ADAMTS19: variants seen among roughly 807,000 people sequenced by gnomAD.
ADAMTS19 encodes A disintegrin and metalloproteinase with thrombospondin motifs 19.
A neutral mutation model predicts 153.3 loss-of-function variants in ADAMTS19; 93 were observed. The ratio of observed to expected loss-of-function variants is 0.61; its 90% confidence interval spans 0.51 to 0.72. The LOEUF is 0.72. ADAMTS19 is among the 30% of genes least tolerant of loss of function. The pLI is 0.00. For synonymous variants in ADAMTS19, 600 were observed against 556.6 expected, an observed-to-expected ratio of 1.08 and a Z score of -1.10; for missense variants, 1,482 against 1,552.1, an observed-to-expected ratio of 0.95 and a Z score of 0.76.
intron 16 of ADAMTS19, among the ~76,000 whole-genome samples, chr5:129,671,334 G>T (rs1192881668): frequency 1.3e-5 from 2 of 152,144 alleles, no homozygotes; most frequent in Admixed American, 6.5e-5. Context: ...TAGGTTTCTG[G>T]TAAGTAATAG....
intron 7 of ADAMTS19, among the ~76,000 whole-genome samples, chr5:129,595,624 T>G (rs1263562080): frequency 6.6e-6 from 1 of 152,034 alleles, no homozygotes; most frequent in Non-Finnish European, 1.5e-5. Context: ...TCCATCATGT[T>G]TAGTAATTAT....
intron 2 of ADAMTS19, among the ~76,000 whole-genome samples, chr5:129,472,095 G>C (rs998856561): frequency 6.6e-6 from 1 of 152,088 alleles, no homozygotes; most frequent in Admixed American, 6.5e-5. Context: ...GGTTGAATGG[G>C]GTATTTCTGT....
chr5:129,702,501 C>A (rs1442403956), intron 20 of ADAMTS19, among the ~76,000 whole-genome samples: 1 of 152,082 alleles, frequency 6.6e-6, no homozygotes, highest in African/African-American at 2.4e-5. Flanking sequence ...GATAACATAG[C>A]TTAGATAATA....
chr5:129,608,114 G>GTATATATATATATA (rs1235116462), intron 8 of ADAMTS19, among the ~76,000 whole-genome samples: 69 of 28,720 alleles, frequency 2.4e-3, no homozygotes, highest in East Asian at 4.0e-3. Context: ...GTGTGTGTGT[G>GTATATATATATATA]TGTATATATA....
chr5:129,559,299 G>T (rs145969890), intron 7 of ADAMTS19, among the ~76,000 whole-genome samples: 23 of 151,928 alleles, frequency 1.5e-4, no homozygotes, highest in Middle Eastern at 3.4e-3. Flanking sequence ...TTCTAAATCA[G>T]TAAGTAAGAA....
chr5:129,668,305 T>G (rs1399972283), intron 16 of ADAMTS19, among the ~76,000 whole-genome samples: 1 of 152,214 alleles, frequency 6.6e-6, no homozygotes, highest in Non-Finnish European at 1.5e-5. Flanking sequence ...TGTAATTTTT[T>G]AATGTGCCAC....
chr5:129,596,600 T>C lies in ADAMTS19; in HGVS notation c.1414T>C (p.Cys472Arg). Residue 472 changes from cysteine (C) to arginine (R), a missense_variant, in exon 8 of 23, where the codon TGT becomes CGT. Coordinates refer to ENST00000274487, the MANE Select transcript of ADAMTS19 (RefSeq NM_133638.6). ...TGGAATGTGTAGTGAAAAGAGAAAATGTATTATTGCTGAAGACAATGGCTT... is the reference window on the plus strand; with the variant it reads ...TGGAATGTGTAGTGAAAAGAGAAAACGTATTATTGCTGAAGACAATGGCTT... ...LSGMCSEKRK[C>R]IIAEDNGLNL... The C allele has an allele frequency of 1.2e-6, 2 of 1,608,350 alleles. No individual in the cohort carries two copies. Among genetic ancestry groups the C allele is most frequent in the Non-Finnish European group, 1.7e-6 (2 of 1,177,532 alleles).
At chr5:129,673,995 C>A (rs113447561) in intron 16 of ADAMTS19, among the ~76,000 whole-genome samples, 3,582 of 152,198 alleles carry the variant, frequency 0.024, 125 homozygotes, top group African/African-American at 0.072. Context: ...CTTTGGGAGG[C>A]TGAGGTGGGC....
At chr5:129,509,816 C>T (rs1253662219) in intron 3 of ADAMTS19, among the ~76,000 whole-genome samples, 2 of 151,832 alleles carry the variant, frequency 1.3e-5, no homozygotes, top group Non-Finnish European at 2.9e-5. Flanking sequence ...CCATCAAATC[C>T]TTGGCTCTTT....
chr5:129,623,837 T>C (rs979743458), intron 10 of ADAMTS19, among the ~76,000 whole-genome samples: 6 of 149,354 alleles, frequency 4.0e-5, no homozygotes, highest in African/African-American at 1.5e-4. Context: ...AAAGGCTGTA[T>C]GGACCAGGCG....
At chr5:129,567,473 T>G (rs1410808901) in intron 7 of ADAMTS19, among the ~76,000 whole-genome samples, 1 of 152,024 alleles carries the variant, frequency 6.6e-6, no homozygotes, top group African/African-American at 2.4e-5. Flanking sequence ...ATATTTCAAA[T>G]GAATGGAAGG....
intron 21 of ADAMTS19, among the ~76,000 whole-genome samples, chr5:129,734,141 C>T (rs891124288): frequency 1.3e-5 from 2 of 151,644 alleles, no homozygotes; most frequent in Non-Finnish European, 2.9e-5. Flanking sequence ...AATGGGCCCA[C>T]GTGGACATAG....
At chr5:129,528,280 G>T (rs566335740) in intron 5 of ADAMTS19, among the ~76,000 whole-genome samples, 35 of 152,032 alleles carry the variant, frequency 2.3e-4, no homozygotes, top group African/African-American at 8.2e-4. Context: ...ATTCTTAATT[G>T]AACCTCTTTG....
At chr5:129,539,061 A>G (rs1259721516) in intron 6 of ADAMTS19, among the ~76,000 whole-genome samples, 1 of 152,056 alleles carries the variant, frequency 6.6e-6, no homozygotes, top group African/African-American at 2.4e-5. Context: ...TTTTCACTTT[A>G]CGATTATGTC....
chr5:129,550,762 A>C (rs528250770), intron 6 of ADAMTS19, among the ~76,000 whole-genome samples: 78 of 151,636 alleles, frequency 5.1e-4, no homozygotes, highest in African/African-American at 1.9e-3. Context: ...ACAGAGAGGA[A>C]ATTTTTTTAA....
chr5:129,599,976 G>C (rs2126927399), intron 8 of ADAMTS19, among the ~76,000 whole-genome samples: 1 of 152,114 alleles, frequency 6.6e-6, no homozygotes, highest in East Asian at 1.9e-4. Flanking sequence ...GACAGTGAGA[G>C]ACAATAGCAG....
At chr5:129,638,465 TGATTA>T (rs1259547814) in intron 10 of ADAMTS19, among the ~76,000 whole-genome samples, 1 of 152,026 alleles carries the variant, frequency 6.6e-6, no homozygotes, top group Non-Finnish European at 1.5e-5. Flanking sequence ...TCTTTTTGCT[TGATTA>T]ATTTTCAATT....
chr5:129,477,558 C>T (rs1482100823), intron 2 of ADAMTS19, among the ~76,000 whole-genome samples: 2 of 152,174 alleles, frequency 1.3e-5, no homozygotes, highest in African/African-American at 2.4e-5. Flanking sequence ...ATTTGAAATG[C>T]TTTGGAGTAA....
chr5:129,707,687 A>C lies in ADAMTS19; in HGVS notation c.3312+3296A>C, dbSNP rs1176801741. Among the ~76,000 whole-genome samples the C allele has an allele frequency of 3.3e-5, 5 of 152,232 alleles. No homozygotes were observed. In the South Asian group the frequency reaches 8.3e-4, roughly 25 times the overall value. On this transcript the variant is annotated intron_variant, in intron 21 of 22. Coordinates refer to ENST00000274487, the MANE Select transcript of ADAMTS19 (RefSeq NM_133638.6). ...TCAGCTGTGTCCTTGAAACAGGAAT[A>C]GCAACAAGATGTATGTGATTGTAGG...
Sources: allele counts gnomAD v4.1 joint callset (sites outside exome capture counted in the v4.1 genomes callset), GRCh38; gene constraint gnomAD v4.1.1; transcripts MANE v1.5; gene names NCBI Gene and HGNC (gene_info 2026-07-23, HGNC 2026-07-21).